The following SCHIP1 variants were observed in gnomAD, a reference collection of about 807,000 sequenced individuals.
SCHIP1 encodes schwannomin interacting protein 1.
Under a neutral mutation model 29.7 loss-of-function variants are expected in SCHIP1, and 8 were observed. The ratio of observed to expected loss-of-function variants is 0.27; its 90% confidence interval spans 0.16 to 0.49. The LOEUF is 0.49. Among genes scored for constraint, SCHIP1 ranks in the 20% least tolerant of loss-of-function variants. The pLI is 0.99. For missense variants in SCHIP1, 193 were observed against 294.6 expected, an observed-to-expected ratio of 0.66 and a Z score of 2.52; for synonymous variants, 76 against 94.9, an observed-to-expected ratio of 0.80 and a Z score of 1.16.
At chr3:159,761,123 C>G in the SCHIP1 span, among the ~76,000 whole-genome samples, 1 of 152,116 alleles carries the variant, frequency 6.6e-6, no homozygotes, top group Non-Finnish European at 1.5e-5. Context: ...GTGAGTAGAC[C>G]TGGGTGGGTA....
the SCHIP1 span, among the ~76,000 whole-genome samples, chr3:159,342,685 C>G: frequency 7.9e-5 from 12 of 152,212 alleles, no homozygotes; most frequent in East Asian, 1.5e-3. Context: ...TAATGAACAG[C>G]AATTTAGCAG....
chr3:159,420,211 G>A, the SCHIP1 span, among the ~76,000 whole-genome samples: 1 of 152,126 alleles, frequency 6.6e-6, no homozygotes, highest in Non-Finnish European at 1.5e-5. Context: ...TGCTTCAGGG[G>A]GCAAAGACAA....
the SCHIP1 span, among the ~76,000 whole-genome samples, chr3:159,581,613 A>C: frequency 6.6e-6 from 1 of 152,160 alleles, no homozygotes; most frequent in Non-Finnish European, 1.5e-5. Flanking sequence ...AAGCCTGACT[A>C]TCCACCCCTC....
chr3:159,304,264 C>G, the SCHIP1 span, among the ~76,000 whole-genome samples: 1 of 152,026 alleles, frequency 6.6e-6, no homozygotes, highest in African/African-American at 2.4e-5. Flanking sequence ...TCTTTATAAC[C>G]ATCATTTTAA....
chr3:159,384,247 G>C, the SCHIP1 span, among the ~76,000 whole-genome samples: 1 of 151,024 alleles, frequency 6.6e-6, no homozygotes, highest in Non-Finnish European at 1.5e-5. Context: ...CTGTGGGTTT[G>C]TCATAGATAG....
chr3:159,332,666 A>T, the SCHIP1 span, among the ~76,000 whole-genome samples: 44 of 152,292 alleles, frequency 2.9e-4, no homozygotes, highest in African/African-American at 9.6e-4. Flanking sequence ...GGGTTAGATC[A>T]TGGGAATGAA....
the SCHIP1 span, among the ~76,000 whole-genome samples, chr3:159,650,346 A>G: frequency 6.6e-6 from 1 of 152,196 alleles, no homozygotes; most frequent in African/African-American, 2.4e-5. Flanking sequence ...ACTGGCCTAC[A>G]CATTTTTTAG....
the SCHIP1 span, among the ~76,000 whole-genome samples, chr3:159,801,556 T>C: frequency 6.6e-6 from 1 of 152,202 alleles, no homozygotes. Context: ...AGCAGTTCCA[T>C]AAGTGTGTGC....
At chr3:159,395,570 G>C in the SCHIP1 span, among the ~76,000 whole-genome samples, 2 of 151,892 alleles carry the variant, frequency 1.3e-5, no homozygotes, top group South Asian at 2.1e-4. Flanking sequence ...CCTTCATTTC[G>C]TTATGTACCC....
At chr3:159,391,736 C>T in the SCHIP1 span, among the ~76,000 whole-genome samples, 1 of 152,192 alleles carries the variant, frequency 6.6e-6, no homozygotes, top group African/African-American at 2.4e-5. Context: ...TCTTTGCCTA[C>T]TTACCCCCAA....
chr3:159,354,729 A>T, the SCHIP1 span, among the ~76,000 whole-genome samples: 1 of 152,160 alleles, frequency 6.6e-6, no homozygotes, highest in South Asian at 2.1e-4. Context: ...GAGAACTAGG[A>T]GGGTTAGCAT....
the SCHIP1 span, among the ~76,000 whole-genome samples, chr3:159,392,047 G>C: frequency 2.2e-4 from 33 of 152,192 alleles, no homozygotes; most frequent in Non-Finnish European, 4.4e-4. Flanking sequence ...GGAGGGAAAA[G>C]AGAAAGGTCC....
At chr3:159,387,324 C>T in the SCHIP1 span, 3 of 349,154 alleles carry the variant, frequency 8.6e-6, no homozygotes, top group South Asian at 7.2e-5. Context: ...AGTCAATTAT[C>T]TCAGCATTTT....
chr3:159,388,350 G>A, the SCHIP1 span, among the ~76,000 whole-genome samples: 1 of 152,020 alleles, frequency 6.6e-6, no homozygotes, highest in African/African-American at 2.4e-5. Context: ...AATTTAAAAT[G>A]CCAAGGAGTA....
the SCHIP1 span, among the ~76,000 whole-genome samples, chr3:159,410,015 A>G: frequency 6.6e-6 from 1 of 152,070 alleles, no homozygotes; most frequent in African/African-American, 2.4e-5. Flanking sequence ...CCCAAAACAT[A>G]TGTTGGAGAA....
At chr3:159,650,323 G>A in the SCHIP1 span, among the ~76,000 whole-genome samples, 1 of 152,138 alleles carries the variant, frequency 6.6e-6, no homozygotes, top group African/African-American at 2.4e-5. Flanking sequence ...ATTTACTTGT[G>A]CTAATTATTT....
chr3:159,680,687 G>GTATAT, the SCHIP1 span, among the ~76,000 whole-genome samples: 1 of 47,318 alleles, frequency 2.1e-5, no homozygotes, highest in Non-Finnish European at 3.3e-5. Context: ...TATAATATAT[G>GTATAT]TATATATATA....
chr3:159,430,671 G>A, the SCHIP1 span, among the ~76,000 whole-genome samples: 247 of 152,188 alleles, frequency 1.6e-3, no homozygotes, highest in African/African-American at 5.5e-3. Context: ...TGGGGTGAAA[G>A]CCCCATGTGA....
At chr3:159,667,842 A>T in the SCHIP1 span, among the ~76,000 whole-genome samples, 6 of 152,236 alleles carry the variant, frequency 3.9e-5, no homozygotes, top group Admixed American at 2.0e-4. Context: ...ACTAAACAAG[A>T]GTTCCACCAA....
Sources: allele counts gnomAD v4.1 joint callset (sites outside exome capture counted in the v4.1 genomes callset), GRCh38; gene constraint gnomAD v4.1.1; transcripts MANE v1.5; gene names NCBI Gene and HGNC (gene_info 2026-07-23, HGNC 2026-07-21).